SPOPL: variants seen among roughly 807,000 people sequenced by gnomAD.
SPOPL encodes speckle-type POZ protein-like.
Under a neutral mutation model 53.8 loss-of-function variants are expected in SPOPL, and 23 were observed. The ratio of observed to expected loss-of-function variants is 0.43; its 90% CI spans 0.31 to 0.61. The LOEUF is 0.61. SPOPL is among the 20% of genes least tolerant of loss of function. SPOPL has a pLI of 0.12. For missense variants in SPOPL, 442 were observed against 466.9 expected, an observed-to-expected ratio of 0.95 and a Z score of 0.49; for synonymous variants, 164 against 149.7, an observed-to-expected ratio of 1.10 and a Z score of -0.70.
chr2:138,561,771 G>T (rs1342062651), intron 8 of SPOPL, among the ~76,000 whole-genome samples: 1 of 152,068 alleles, frequency 6.6e-6, no homozygotes, highest in Non-Finnish European at 1.5e-5. Context: ...AAATTACAAA[G>T]GTATTATGTG....
chr2:138,567,384 T>A (rs1685685252), intron 10 of SPOPL, among the ~76,000 whole-genome samples: 1 of 86,870 alleles, frequency 1.2e-5, no homozygotes, highest in African/African-American at 5.4e-5. Context: ...TGTGTGTGTG[T>A]GTGTGTGTGT....
intron 1 of SPOPL, among the ~76,000 whole-genome samples, chr2:138,509,651 A>T (rs1304933033): frequency 6.6e-6 from 1 of 152,144 alleles, no homozygotes; most frequent in Non-Finnish European, 1.5e-5. Flanking sequence ...GTTGAGCAGA[A>T]TCTACAAAGA....
intron 1 of SPOPL, among the ~76,000 whole-genome samples, chr2:138,504,075 A>G (rs1028374310): frequency 2.6e-5 from 4 of 152,264 alleles, no homozygotes; most frequent in South Asian, 4.1e-4. Flanking sequence ...AAAGATCTGA[A>G]TAGATATTAC....
chr2:138,559,202 A>G lies in SPOPL; in HGVS notation c.658+3A>G, dbSNP rs766216898. On this transcript the variant is annotated splice_donor_region_variant and intron_variant, in intron 6 of 10. Coordinates refer to ENST00000280098, the MANE Select transcript of SPOPL (RefSeq NM_001001664.3). ...AGCTCATAAATCTGTGCTTGCAGGT[A>G]CTTTCTAGTTATGGGGTAATATAGT... 1 of 1,612,948 alleles carries G rather than the reference A, an allele frequency of 6.2e-7. No homozygotes were observed. Among genetic ancestry groups the G allele is most frequent in the Non-Finnish European group, 8.5e-7 (1 of 1,179,512 alleles).
At chr2:138,538,932 T>C (rs895801614) in intron 1 of SPOPL, among the ~76,000 whole-genome samples, 4 of 152,280 alleles carry the variant, frequency 2.6e-5, no homozygotes, top group Non-Finnish European at 5.9e-5. Flanking sequence ...CGGTGTGTGA[T>C]GTTCCCCTTC....
In SPOPL at chr2:138,503,815, G is replaced by T. The variant is rs950869576; in HGVS notation, c.-61+1696G>T. 2.6e-5 allele frequency among the ~76,000 whole-genome samples: 4 copies of T among 152,188 alleles called. No individual in the cohort carries two copies. The South Asian group carries it at 8.3e-4, about 31-fold the overall frequency. ...ACTGTAAGTTAAATACTCAAAACTG[G>T]TGGTATTCTTCATACTCATCTGACC... On this transcript the variant is annotated intron_variant, in intron 1 of 10. Coordinates refer to ENST00000280098, the MANE Select transcript of SPOPL (RefSeq NM_001001664.3).
chr2:138,536,523 T>C (rs988813177), intron 1 of SPOPL, among the ~76,000 whole-genome samples: 1 of 152,242 alleles, frequency 6.6e-6, no homozygotes, highest in African/African-American at 2.4e-5. Flanking sequence ...TTTTCAACAA[T>C]GCCCTGGGGC....
chr2:138,558,879 A>G, intron 5 of SPOPL, 143 bp from the exon 6 acceptor site: 1 of 514,348 alleles, frequency 1.9e-6, no homozygotes, highest in Non-Finnish European at 3.1e-6. Context: ...TTTTAATTTC[A>G]GTTTCTGGAT....
At chr2:138,547,421 T>A (rs1685219797) in intron 1 of SPOPL, among the ~76,000 whole-genome samples, 1 of 152,158 alleles carries the variant, frequency 6.6e-6, no homozygotes, top group Admixed American at 6.5e-5. Context: ...AAAAGTTTTT[T>A]ATTTATGTTT....
chr2:138,567,319 C>T (rs1337827172), intron 10 of SPOPL, among the ~76,000 whole-genome samples: 1 of 149,658 alleles, frequency 6.7e-6, no homozygotes, highest in Admixed American at 6.7e-5. Flanking sequence ...AAAGTACACC[C>T]CAGAAAAAGG....
At chr2:138,566,997 G>A (rs1362104462) in intron 10 of SPOPL, among the ~76,000 whole-genome samples, 2 of 152,152 alleles carry the variant, frequency 1.3e-5, no homozygotes, top group African/African-American at 4.8e-5. Flanking sequence ...AAGTATAGAA[G>A]CGTAAAGTAG....
intron 8 of SPOPL, among the ~76,000 whole-genome samples, chr2:138,562,299 G>A (rs887980024): frequency 9.2e-5 from 14 of 152,146 alleles, no homozygotes; most frequent in African/African-American, 3.4e-4. Context: ...AATTAAGACA[G>A]TGTTGTATTG....
At chr2:138,563,846 C>G (rs536744712) in intron 8 of SPOPL, among the ~76,000 whole-genome samples, 2 of 152,224 alleles carry the variant, frequency 1.3e-5, no homozygotes, top group African/African-American at 4.8e-5. Context: ...TTGTAACAGC[C>G]AAGAACTGGT....
chr2:138,526,459 A>T (rs1166298548), intron 1 of SPOPL, among the ~76,000 whole-genome samples: 1 of 152,100 alleles, frequency 6.6e-6, no homozygotes, highest in African/African-American at 2.4e-5. Flanking sequence ...ATTTATTAGA[A>T]ATTAAATTGT....
intron 1 of SPOPL, among the ~76,000 whole-genome samples, chr2:138,508,905 A>G (rs760078250): frequency 1.3e-4 from 20 of 152,164 alleles, no homozygotes; most frequent in Middle Eastern, 6.8e-3. Context: ...TCTTACAGGT[A>G]CCCTTTTAGA....
chr2:138,550,807 T>G (rs1685297062), intron 3 of SPOPL, 96 bp from the exon 4 acceptor site: 2 of 1,424,972 alleles, frequency 1.4e-6, no homozygotes, highest in Middle Eastern at 2.5e-4. Flanking sequence ...ACACATGATT[T>G]CAGTGTTCTC....
intron 1 of SPOPL, among the ~76,000 whole-genome samples, chr2:138,509,586 T>C (rs1257717580): frequency 6.7e-6 from 1 of 150,092 alleles, no homozygotes. Flanking sequence ...AGTTAGGTGA[T>C]TTTTTAAAAA....
At chr2:138,533,194 A>G (rs534148373) in intron 1 of SPOPL, among the ~76,000 whole-genome samples, 61 of 152,340 alleles carry the variant, frequency 4.0e-4, no homozygotes, top group Admixed American at 3.3e-4. Flanking sequence ...CCCAGTATCT[A>G]TAAGATCACA....
chr2:138,506,112 A>G (rs894708073), intron 1 of SPOPL, among the ~76,000 whole-genome samples: 2 of 152,130 alleles, frequency 1.3e-5, no homozygotes, highest in Non-Finnish European at 2.9e-5. Context: ...AAGTTACCCA[A>G]ATTTTTGCTT....
Sources: allele counts gnomAD v4.1 joint callset (sites outside exome capture counted in the v4.1 genomes callset), GRCh38; gene constraint gnomAD v4.1.1; transcripts MANE v1.5; gene names NCBI Gene and HGNC (gene_info 2026-07-23, HGNC 2026-07-21).